DNAJC3: variants seen among roughly 807,000 people sequenced by gnomAD.
DNAJC3 encodes DnaJ heat shock protein family (Hsp40) member C3.
In DNAJC3, 38 loss-of-function variants were observed where a neutral mutation model predicts 68.6. The ratio of observed to expected loss-of-function variants is 0.55; its 90% CI spans 0.43 to 0.73. The LOEUF is 0.73. Ranked by LOEUF, DNAJC3 falls within the 30% of genes least tolerant of loss-of-function variation. The probability of loss-of-function intolerance (pLI) is 0.00; values close to 1 mark genes in which losing one functional copy is unlikely to be tolerated. For synonymous variants in DNAJC3, 203 were observed against 204.0 expected (o/e 1.00, Z 0.04); for missense variants, 526 against 591.9 (o/e 0.89, Z 1.16).
chr13:95,741,034 A>G (rs1204968694), intron 4 of DNAJC3, among the ~76,000 whole-genome samples: 1 of 151,942 alleles, frequency 6.6e-6, no homozygotes, highest in Non-Finnish European at 1.5e-5. Flanking sequence ...CATTATATTG[A>G]ATCATTTTTC....
intron 1 of DNAJC3, chr13:95,694,053 C>T (rs997520035): frequency 1.3e-5 from 2 of 152,190 alleles, no homozygotes; most frequent in Non-Finnish European, 2.9e-5. Context: ...CCAATCAACA[C>T]CCATAATTAT....
chr13:95,728,801 T>C (rs1881610463), intron 4 of DNAJC3, among the ~76,000 whole-genome samples: 1 of 152,230 alleles, frequency 6.6e-6, no homozygotes, highest in Non-Finnish European at 1.5e-5. Flanking sequence ...TTATCATTTC[T>C]GTGTGTTGGG....
chr13:95,693,795 C>T (rs1214398988), intron 1 of DNAJC3: 11 of 151,266 alleles, frequency 7.3e-5, no homozygotes, highest in African/African-American at 2.7e-4. Context: ...CAACCCCTTG[C>T]TCAAGCCAAA....
chr13:95,715,324 G>A (rs575108076), intron 2 of DNAJC3, among the ~76,000 whole-genome samples: 90 of 152,248 alleles, frequency 5.9e-4, no homozygotes, highest in African/African-American at 2.0e-3. Flanking sequence ...GATTGCCTGA[G>A]CCCAGGAGTT....
rs61275658 is a variant in DNAJC3 at position 95,787,670 on chromosome 13, T to G, written c.1357+515T>G. On this transcript the variant is annotated intron_variant, in intron 11 of 11. Transcript: ENST00000602402. ...CATTAGATTCACAGGCTTATATGTG[T>G]TTTTTTTTTTTTTAATTTTTATTTT... Among the ~76,000 whole-genome samples, 548 of 130,872 alleles carry G rather than the reference T, an allele frequency of 4.2e-3. 3 individuals are homozygous for G. Among genetic ancestry groups the G allele is most frequent in the African/African-American group, 0.018 (521 of 28,506 alleles). 85.9% of individuals were successfully genotyped at this position (130,872 alleles called of 152,430 possible).
At chr13:95,777,120 C>T (rs942190271) in intron 9 of DNAJC3, among the ~76,000 whole-genome samples, 3 of 152,128 alleles carry the variant, frequency 2.0e-5, no homozygotes, top group Non-Finnish European at 2.9e-5. Context: ...CTTCTATGTT[C>T]AATACAGATT....
At chr13:95,758,079 T>C (rs931311264) in intron 5 of DNAJC3, among the ~76,000 whole-genome samples, 1 of 152,162 alleles carries the variant, frequency 6.6e-6, no homozygotes, top group Non-Finnish European at 1.5e-5. Flanking sequence ...AAGAAAACTC[T>C]AGCGGTTAGA....
At chr13:95,790,185 C>T (rs963313460) in intron 11 of DNAJC3, among the ~76,000 whole-genome samples, 1 of 152,212 alleles carries the variant, frequency 6.6e-6, no homozygotes, top group African/African-American at 2.4e-5. Flanking sequence ...TTGCTCATAC[C>T]TATGTCCTGA....
At chr13:95,718,292 T>A (rs1417784220) in intron 2 of DNAJC3, among the ~76,000 whole-genome samples, 1 of 152,260 alleles carries the variant, frequency 6.6e-6, no homozygotes, top group Non-Finnish European at 1.5e-5. Flanking sequence ...CTTGTTTCAC[T>A]TGCTACTTCA....
chr13:95,723,273 T>C lies in DNAJC3; in HGVS notation c.225T>C (p.Tyr75=). ...ACCCTGATAACTATATTGCTTATTA[T>C]CGGAGGGCTACTGTCTTTTTAGCTA... ...DGDPDNYIAY[Y]RRATVFLAMG... The change falls in exon 3 of 12, where the codon TAT becomes TAC. Residue 75 remains tyrosine, a synonymous_variant. Coordinates refer to ENST00000602402, the MANE Select transcript of DNAJC3 (RefSeq NM_006260.5). 6.2e-7 allele frequency: 1 copy of C among 1,611,886 alleles called. No homozygotes were observed. Among genetic ancestry groups the C allele is most frequent in the Non-Finnish European group, 8.5e-7 (1 of 1,178,302 alleles).
At chr13:95,781,001 G>A (rs994793558) in intron 9 of DNAJC3, among the ~76,000 whole-genome samples, 1 of 152,126 alleles carries the variant, frequency 6.6e-6, no homozygotes, top group African/African-American at 2.4e-5. Flanking sequence ...GTCTGTGCTG[G>A]GGAGCTCAGG....
At chr13:95,720,938 T>C (rs1881302773) in intron 2 of DNAJC3, among the ~76,000 whole-genome samples, 1 of 152,196 alleles carries the variant, frequency 6.6e-6, no homozygotes, top group Non-Finnish European at 1.5e-5. Flanking sequence ...TTTTAACCAT[T>C]TGTAAGTGTA....
At chr13:95,780,260 G>A (rs1883413147) in intron 9 of DNAJC3, among the ~76,000 whole-genome samples, 1 of 152,120 alleles carries the variant, frequency 6.6e-6, no homozygotes, top group Non-Finnish European at 1.5e-5. Flanking sequence ...TGCACTTCAG[G>A]ATGAGCATAG....
At chr13:95,773,795 G>A (rs888513197) in intron 9 of DNAJC3, among the ~76,000 whole-genome samples, 1 of 141,554 alleles carries the variant, frequency 7.1e-6, no homozygotes, top group Admixed American at 7.2e-5. Flanking sequence ...GGAGTACAGT[G>A]GAGCGATCTT....
intron 11 of DNAJC3, among the ~76,000 whole-genome samples, chr13:95,790,390 T>C (rs1883731923): frequency 6.6e-6 from 1 of 151,724 alleles, no homozygotes; most frequent in Non-Finnish European, 1.5e-5. Context: ...CCTCCTGGAG[T>C]TGTATGTTAT....
intron 2 of DNAJC3, among the ~76,000 whole-genome samples, chr13:95,721,744 G>T (rs540336172): frequency 6.6e-6 from 1 of 151,824 alleles, no homozygotes; most frequent in South Asian, 2.1e-4. Flanking sequence ...ACTTGTGATG[G>T]TGAGCATCTT....
At chr13:95,678,594 T>C (rs1016818793) in intron 1 of DNAJC3, among the ~76,000 whole-genome samples, 1 of 152,198 alleles carries the variant, frequency 6.6e-6, no homozygotes, top group Non-Finnish European at 1.5e-5. Flanking sequence ...TCTAGTTCTT[T>C]TGCATTTTCA....
chr13:95,732,324 G>A (rs1316309989), intron 4 of DNAJC3, among the ~76,000 whole-genome samples: 1 of 152,114 alleles, frequency 6.6e-6, no homozygotes, highest in Non-Finnish European at 1.5e-5. Context: ...TCTTTGTTGG[G>A]AGACTTTAAT....
chr13:95,769,661 A>G (rs954737912), intron 9 of DNAJC3, among the ~76,000 whole-genome samples: 2 of 152,204 alleles, frequency 1.3e-5, no homozygotes, highest in African/African-American at 4.8e-5. Flanking sequence ...TGGCATGTAG[A>G]TTGATGAAGT....
Sources: gnomAD v4.1 joint callset for allele counts (sites outside exome capture counted in the v4.1 genomes callset) on GRCh38, gnomAD v4.1.1 for gene constraint, MANE v1.5 for transcripts, NCBI Gene and HGNC (gene_info 2026-07-23, HGNC 2026-07-21) for gene names.